Variants in B4GALNT3 observed in about 807,000 individuals in gnomAD.
B4GALNT3 encodes beta-1,4-N-acetyl-galactosaminyltransferase 3.
B4GALNT3 carries 86 observed loss-of-function variants against 120.2 expected under a neutral mutation model. The ratio of observed to expected loss-of-function variants is 0.72; its 90% confidence interval spans 0.60 to 0.86. The LOEUF (loss-of-function observed/expected upper bound fraction) is 0.86. Among genes scored for constraint, B4GALNT3 ranks in the 40% least tolerant of loss-of-function variants. The pLI is 0.00. For synonymous variants in B4GALNT3, 518 were observed against 510.4 expected, an observed-to-expected ratio of 1.01 and a Z score of -0.20; for missense variants, 1,167 against 1,298.9, an observed-to-expected ratio of 0.90 and a Z score of 1.56.
In B4GALNT3 at chr12:488,113, G is replaced by A. The variant is rs1002327195; in HGVS notation, c.169+27568G>A. 4.8e-4 allele frequency among the ~76,000 whole-genome samples: 72 copies of A among 151,124 alleles called. 1 individual carries two copies. Among genetic ancestry groups the A allele is most frequent in the Non-Finnish European group, 1.5e-4 (10 of 67,874 alleles). The stretch of plus-strand genomic sequence containing the variant: ...TAGCACTTTGAGATGCAAACAAGAA[G>A]TGAGTCAAGTGAAATATTTAAACAG... On this transcript the variant is annotated intron_variant, in intron 1 of 19. Coordinates refer to ENST00000266383, the MANE Select transcript of B4GALNT3 (RefSeq NM_173593.4).
Position 553,354 on chromosome 12 carries a change from A to G in B4GALNT3, c.1431A>G (p.Lys477=). The change falls in exon 14 of 20, where the codon AAA becomes AAG. Residue 477 remains lysine, a synonymous_variant. Coordinates refer to ENST00000266383, the MANE Select transcript of B4GALNT3 (RefSeq NM_173593.4). ...ACTACCGCCTCCGAAGCCTGCGGAA[A>G]CTCCTGGCTCAGCCCCGGGAGGGCC... ...ATDYRLRSLR[K]LLAQPREGLL... 6.2e-7 allele frequency: 1 copy of G among 1,613,420 alleles called. No individual in the cohort carries two copies. Among genetic ancestry groups the G allele is most frequent in the Non-Finnish European group, 8.5e-7 (1 of 1,179,940 alleles).
intron 1 of B4GALNT3, among the ~76,000 whole-genome samples, chr12:522,044 C>T (rs898501720): frequency 3.3e-5 from 5 of 152,008 alleles, no homozygotes; most frequent in African/African-American, 9.7e-5. Context: ...CCTCTTTCCA[C>T]CCAAGGCTTC....
At chr12:521,968 TC>T (rs1356428081) in intron 1 of B4GALNT3, among the ~76,000 whole-genome samples, 21 of 79,754 alleles carry the variant, frequency 2.6e-4, no homozygotes, top group African/African-American at 9.1e-4. Flanking sequence ...GCTCAGAAGT[TC>T]TTTTTTTTTT....
chr12:536,538 G>A (rs543982895), intron 3 of B4GALNT3, among the ~76,000 whole-genome samples: 1 of 152,202 alleles, frequency 6.6e-6, no homozygotes, highest in East Asian at 1.9e-4. Context: ...TTTAGAGAAG[G>A]GGTCTCACTA....
chr12:540,568 A>G (rs1405642567), intron 3 of B4GALNT3: 1 of 152,166 alleles, frequency 6.6e-6, no homozygotes, highest in African/African-American at 2.4e-5. Flanking sequence ...AAGCATGGAG[A>G]AGGGAAACAG....
In B4GALNT3 at chr12:536,198, G is replaced by A. The variant is rs117759097; in HGVS notation, c.274-20G>A. ...TCATCCTAATATTCCTACCAACTTC[G>A]TTCTTCATTCTTCCCCTAGGACCAC... is the stretch of plus-strand genomic sequence containing the variant. On this transcript the variant is annotated intron_variant, in intron 2 of 19. Coordinates refer to ENST00000266383, the MANE Select transcript of B4GALNT3 (RefSeq NM_173593.4). 7.3e-4 allele frequency: 1,170 copies of A among 1,603,720 alleles called. 8 individuals carry two copies. In the East Asian group the frequency reaches 0.021, roughly 28 times the overall value.
At chr12:559,483 G>C (rs1947200244) in intron 19 of B4GALNT3, 62 bp downstream of exon 19, 2 of 1,600,552 alleles carry the variant, frequency 1.2e-6, no homozygotes, top group East Asian at 2.2e-5. Flanking sequence ...CAGGCAGGGA[G>C]CCAGGCTACA....
At chr12:504,152 A>T (rs905978914) in intron 1 of B4GALNT3, among the ~76,000 whole-genome samples, 1 of 151,286 alleles carries the variant, frequency 6.6e-6, no homozygotes, top group Non-Finnish European at 1.5e-5. Context: ...ACACATGCTC[A>T]TTGCTTAAAA....
chr12:541,675 G>T (rs1946916871), intron 3 of B4GALNT3, among the ~76,000 whole-genome samples: 1 of 152,266 alleles, frequency 6.6e-6, no homozygotes, highest in South Asian at 2.1e-4. Context: ...AAGGGCCTGG[G>T]CTTAGCCAGG....
chr12:472,633 C>T (rs10849053), intron 1 of B4GALNT3, among the ~76,000 whole-genome samples: 8,958 of 152,226 alleles, frequency 0.059, 295 homozygotes, highest in Middle Eastern at 0.092. Flanking sequence ...GAGGCGGGGT[C>T]TCACAGTGTT....
rs1196841364 is a variant in B4GALNT3 at position 557,632 on chromosome 12, A to G, written c.2405A>G (p.Gln802Arg). 1.2e-6 allele frequency: 2 copies of G among 1,611,596 alleles called. No homozygotes were observed. The highest frequency in any genetic ancestry group is 1.7e-5 in the Admixed American group (1 of 59,482). Reference sequence around the variant, plus strand: ...GTGAAGAACCAGGCACGCTGGGTACAGCAATTCATCAAAGACATGGAAAAC... The same window carrying G: ...GTGAAGAACCAGGCACGCTGGGTACGGCAATTCATCAAAGACATGGAAAAC... ...VPVKNQARWV[Q>R]QFIKDMENLF... The change falls in exon 16 of 20, where the codon CAG becomes CGG. Residue 802 changes from glutamine (Q) to arginine (R), a missense_variant. Transcript: ENST00000266383.
chr12:489,272 C>T (rs1946319030), intron 1 of B4GALNT3, among the ~76,000 whole-genome samples: 1 of 149,336 alleles, frequency 6.7e-6, no homozygotes. Flanking sequence ...ACCACCATGG[C>T]ACATGTATAC....
At chr12:476,010 C>T (rs1034469525) in intron 1 of B4GALNT3, among the ~76,000 whole-genome samples, 7 of 152,230 alleles carry the variant, frequency 4.6e-5, no homozygotes, top group Non-Finnish European at 1.0e-4. Flanking sequence ...GCCCTCCAGG[C>T]CATCTGCTGC....
rs375519836 is a variant in B4GALNT3 at position 472,661 on chromosome 12, TCTC to T, written c.169+12119_169+12121del. ...ACAGTGTTAGCCAGGATGGTCTCGATCTCCTGACCTCATGATCCGCTGGCCTTG... is the reference window on the plus strand; with the variant it reads ...ACAGTGTTAGCCAGGATGGTCTCGATCTGACCTCATGATCCGCTGGCCTTG... On this transcript the variant is annotated intron_variant, in intron 1 of 19. Coordinates refer to ENST00000266383, the MANE Select transcript of B4GALNT3 (RefSeq NM_173593.4). Among the ~76,000 whole-genome samples, 768 of 152,308 alleles carry T rather than the reference TCTC, an allele frequency of 5.0e-3. 7 individuals are homozygous for T. Among genetic ancestry groups the T allele is most frequent in the South Asian group, 0.013 (63 of 4,826 alleles).
intron 1 of B4GALNT3, among the ~76,000 whole-genome samples, chr12:525,331 ACTC>A (rs892604441): frequency 3.0e-4 from 46 of 151,936 alleles, no homozygotes; most frequent in African/African-American, 1.1e-3. Context: ...CTGGTCTCGA[ACTC>A]CTGACCTCAG....
In B4GALNT3 at chr12:561,586, C is replaced by T; in HGVS notation, c.*135C>T. On this transcript the variant is annotated 3_prime_UTR_variant, in exon 20 of 20. Coordinates refer to ENST00000266383, the MANE Select transcript of B4GALNT3 (RefSeq NM_173593.4). ...AGGCCTCGAAGCTGACGGCCCACTC[C>T]ACCTGGAGCTGTCCCCTCACAGAGG... 1 of 667,426 alleles carries T rather than the reference C, an allele frequency of 1.5e-6. No individual in the cohort carries two copies. The highest frequency in any genetic ancestry group is 2.5e-6 in the Non-Finnish European group (1 of 394,224). The allele number at this position is 667,426 out of a possible 1,614,324, so 41.3% of individuals were successfully genotyped here. A position where few individuals can be genotyped will look rare whatever the true frequency, so the allele number is the denominator to read the frequency against.
chr12:554,060 G>T, intron 14 of B4GALNT3, 77 bp downstream of exon 14: 2 of 956,488 alleles, frequency 2.1e-6, no homozygotes, highest in Admixed American at 4.6e-5. Context: ...GGGGCCTAAG[G>T]GCTGGTAGTG....
chr12:552,388 C>T (rs1947095103), intron 12 of B4GALNT3, 79 bp from the exon 13 acceptor site: 2 of 1,430,514 alleles, frequency 1.4e-6, no homozygotes, highest in Non-Finnish European at 2.0e-6. Context: ...ACGTCAGACT[C>T]CTGCTGAGAC....
In B4GALNT3 at chr12:474,577, G is replaced by A. The variant is rs150897350; in HGVS notation, c.169+14032G>A. ...GCTCATGCCTGCAATCCAGCACTTT[G>A]GGAGACTAAGGTAGGAGGATGGCTT... On this transcript the variant is annotated intron_variant, in intron 1 of 19. Transcript: ENST00000266383. Among the ~76,000 whole-genome samples the A allele has an allele frequency of 9.9e-5, 15 of 152,254 alleles. No homozygotes were observed. In the East Asian group the frequency reaches 2.7e-3, roughly 27 times the overall value.
Sources: allele counts gnomAD v4.1 joint callset (sites outside exome capture counted in the v4.1 genomes callset), GRCh38; gene constraint gnomAD v4.1.1; transcripts MANE v1.5; gene names NCBI Gene and HGNC (gene_info 2026-07-23, HGNC 2026-07-21).